The following CYP1B1 variants were observed in gnomAD, a reference collection of about 807,000 sequenced individuals.
The protein encoded by CYP1B1 is cytochrome P450 family 1 subfamily B member 1.
CYP1B1 carries 22 observed loss-of-function variants against 29.9 expected under a neutral mutation model. The ratio of observed to expected loss-of-function variants is 0.74; its 90% CI spans 0.53 to 1.05. The LOEUF (loss-of-function observed/expected upper bound fraction) is 1.05, where lower values mean the gene tolerates loss of function less well. CYP1B1 is among the 50% of genes least tolerant of loss of function. The pLI is 0.00. For missense variants in CYP1B1, 883 were observed against 746.9 expected (o/e 1.18, Z -2.12); for synonymous variants, 375 against 320.0 (o/e 1.17, Z -1.83).
In CYP1B1 at chr2:38,068,406, G is replaced by A. The variant is rs552557175; in HGVS notation, c.*2316C>T. ...TCTGATGACGACTGGGCCTACATACGTAAAAACAGATTATAGCACATCTGG... is the reference window on the plus strand; with the variant it reads ...TCTGATGACGACTGGGCCTACATACATAAAAACAGATTATAGCACATCTGG... On this transcript the variant is annotated 3_prime_UTR_variant, in exon 3 of 3. Transcript: ENST00000610745. The A allele has an allele frequency of 4.8e-5, 11 of 226,918 alleles. No individual in the cohort carries two copies. The highest frequency in any genetic ancestry group is 1.8e-4 in the South Asian group (1 of 5,454). The allele number at this position is 226,918 out of a possible 1,614,324, so 14.1% of individuals were successfully genotyped here. A position where few individuals can be genotyped will look rare whatever the true frequency, so the allele number is the denominator to read the frequency against.
At chr2:38,071,458 T>C in intron 2 of CYP1B1, 148 bp from the exon 3 acceptor site, 1 of 746,342 alleles carries the variant, frequency 1.3e-6, no homozygotes. Context: ...GGGAAAAAAA[T>C]CTAAAACAGC....
In CYP1B1 at chr2:38,074,626, G is replaced by T. The variant is rs886055998; in HGVS notation, c.763C>A (p.Arg255Ser). 2 of 1,613,474 alleles carry T rather than the reference G, an allele frequency of 1.2e-6. No individual in the cohort carries two copies. The highest frequency in any genetic ancestry group is 1.3e-5 in the African/African-American group (1 of 74,948). ...TGCTCGAATTCGCGGAAAACGGTGCGCACCGGGTTGGGGAAGTACTGCAGC... is the reference window on the plus strand; with the variant it reads ...TGCTCGAATTCGCGGAAAACGGTGCTCACCGGGTTGGGGAAGTACTGCAGC... ...PWLQYFPNPV[R>S]TVFREFEQLN... Residue 255 changes from arginine to serine, a missense_variant, in exon 2 of 3, where the codon CGC becomes AGC. By Grantham distance (110) the Arg-to-Ser change is moderately radical. Coordinates refer to ENST00000610745, the MANE Select transcript of CYP1B1 (RefSeq NM_000104.4).
chr2:38,071,013 G>A lies in CYP1B1; in HGVS notation c.1341C>T (p.Asp447=), dbSNP rs1350125970. ...GGTCCTTGTTGATGAGGCCATCCTT[G>A]TCCAAGAATCGAGCTGGATCAAAGT... The part of the protein sequence containing the change: ...PENFDPARFL[D]KDGLINKDLT... The change falls in exon 3 of 3, where the codon GAC becomes GAT. Residue 447 remains aspartate (D), a synonymous_variant. Transcript: ENST00000610745. The A allele has an allele frequency of 1.2e-6, 2 of 1,614,120 alleles. No individual in the cohort carries two copies. Among genetic ancestry groups the A allele is most frequent in the Admixed American group, 1.7e-5 (1 of 60,016 alleles).
At chr2:38,074,129 G>A (rs1224008296) in intron 2 of CYP1B1, among the ~76,000 whole-genome samples, 1 of 151,986 alleles carries the variant, frequency 6.6e-6, no homozygotes, top group African/African-American at 2.4e-5. Flanking sequence ...GACAAGATAG[G>A]AGACCGGAGG....
chr2:38,075,645 T>C, intron 1 of CYP1B1, 135 bp downstream of exon 1: 1 of 582,024 alleles, frequency 1.7e-6, no homozygotes. Context: ...TAACGGTTCC[T>C]GCAATCTGGG....
chr2:38,070,300 T>C lies in CYP1B1; in HGVS notation c.*422A>G. 3.7e-6 allele frequency: 1 copy of C among 269,498 alleles called. No individual in the cohort carries two copies. Among genetic ancestry groups the C allele is most frequent in the Non-Finnish European group, 7.2e-6 (1 of 138,936 alleles). 16.7% of individuals were successfully genotyped at this position (269,498 alleles called of 1,614,324 possible). A position where few individuals can be genotyped will look rare whatever the true frequency, so the allele number is the denominator to read the frequency against. ...TACTCTGAAACTTTGTTTAATATAC[T>C]TTTTGTCTATTTCTGCATATGGGAG... On this transcript the variant is annotated 3_prime_UTR_variant, in exon 3 of 3. Coordinates refer to ENST00000610745, the MANE Select transcript of CYP1B1 (RefSeq NM_000104.4).
At position 38,074,740 on chromosome 2, in the gene CYP1B1, C is replaced by A; in HGVS notation, c.649G>T (p.Asp217Tyr). 6.8e-6 allele frequency: 11 copies of A among 1,606,422 alleles called. No individual in the cohort carries two copies. The highest frequency in any genetic ancestry group is 9.3e-6 in the Non-Finnish European group (11 of 1,177,384). ...AVCFGCRYSH[D>Y]DPEFRELLSH... Reference sequence around the variant, plus strand: ...AGCAGCTCACGGAACTCGGGGTCGTCGTGGCTGTAGCGGCAGCCGAAACAC... The same window carrying A: ...AGCAGCTCACGGAACTCGGGGTCGTAGTGGCTGTAGCGGCAGCCGAAACAC... Residue 217 changes from aspartate (D) to tyrosine (Y), a missense_variant, in exon 2 of 3, where the codon GAC becomes TAC. Asp to Tyr is a radical substitution (Grantham distance 160). Coordinates refer to ENST00000610745, the MANE Select transcript of CYP1B1 (RefSeq NM_000104.4).
rs754302280 is a variant in CYP1B1 at position 38,074,422 on chromosome 2, T to C, written c.967A>G (p.Thr323Ala). Residue 323 changes from threonine to alanine, a missense_variant, in exon 2 of 3, where the codon ACT (threonine) becomes GCT (alanine). Transcript: ENST00000610745. Reference protein sequence around the residue: ...ARLDLENVPATITDIFGASQD... With the variant: ...ARLDLENVPAAITDIFGASQD... ...CTGGCGCCGAAGATGTCAGTGATAG[T>C]GGCCGGTACGTTCTCCAAATCCAGC... is the stretch of plus-strand genomic sequence containing the variant. The C allele has an allele frequency of 1.9e-6, 3 of 1,613,364 alleles. No homozygotes were observed. The highest frequency in any genetic ancestry group is 2.7e-5 in the African/African-American group (2 of 75,032).
At position 38,070,862 on chromosome 2, in the gene CYP1B1, T is replaced by G; in HGVS notation, c.1492A>C (p.Asn498His). 1 of 1,614,146 alleles carries G rather than the reference T, an allele frequency of 6.2e-7. No individual in the cohort carries two copies. The highest frequency in any genetic ancestry group is 2.2e-5 in the East Asian group (1 of 44,888). ...AHQCDFRANP[N>H]EPAKMNFSYG... is the part of the protein sequence containing the mutation. ...CTGAAATTCATTTTCGCAGGCTCAT[T>G]TGGGTTGGCCCTGAAATCGCACTGG... Residue 498 changes from asparagine (N) to histidine (H), a missense_variant, in exon 3 of 3, where the codon AAT becomes CAT. By Grantham distance (68) the Asn-to-His change is moderately conservative. Transcript: ENST00000610745.
In CYP1B1 at chr2:38,075,214, G is replaced by A. The variant is rs1384370014; in HGVS notation, c.175C>T (p.Leu59=). The A allele has an allele frequency of 6.3e-7, 1 of 1,582,144 alleles. No individual in the cohort carries two copies. Among genetic ancestry groups the A allele is most frequent in the East Asian group, 2.3e-5 (1 of 44,144 alleles). ...CCCACCGCCGCCGCGTTTCCGATCAGTGGCCACGCAAACGGGCCCGGGGGC... is the reference window on the plus strand; with the variant it reads ...CCCACCGCCGCCGCGTTTCCGATCAATGGCCACGCAAACGGGCCCGGGGGC... The part of the protein sequence containing the change: ...SAPPGPFAWP[L]IGNAAAVGQA... Residue 59 remains leucine (L), a synonymous_variant, in exon 2 of 3, where the codon CTG becomes TTG. Coordinates refer to ENST00000610745, the MANE Select transcript of CYP1B1 (RefSeq NM_000104.4).
chr2:38,073,008 A>G (rs947951964), intron 2 of CYP1B1, among the ~76,000 whole-genome samples: 1 of 152,242 alleles, frequency 6.6e-6, no homozygotes, highest in Admixed American at 6.5e-5. Flanking sequence ...AATGAAAAAC[A>G]AAGGCCGTTT....
At chr2:38,071,748 T>A (rs545724617) in intron 2 of CYP1B1, among the ~76,000 whole-genome samples, 1 of 152,308 alleles carries the variant, frequency 6.6e-6, no homozygotes, top group Admixed American at 6.5e-5. Flanking sequence ...AAGAAAATAT[T>A]TTCATACATC....
At chr2:38,071,334 G>A in intron 2 of CYP1B1, 24 bp from the exon 3 acceptor site, 1 of 1,606,380 alleles carries the variant, frequency 6.2e-7, no homozygotes, top group African/African-American at 1.3e-5. Context: ...AATGTGGAGA[G>A]AGAAAAGCAA....
Position 38,075,344 on chromosome 2 carries a change from C to G in CYP1B1, c.45G>C (p.Pro15=), listed in dbSNP as rs145847992. 1 of 1,613,086 alleles carries G rather than the reference C, an allele frequency of 6.2e-7. No individual in the cohort carries two copies. The highest frequency in any genetic ancestry group is 2.2e-5 in the East Asian group (1 of 44,860). ...LSPNDPWPLN[P]LSIQQTTLLL... is the part of the protein sequence containing the mutation. The stretch of plus-strand genomic sequence containing the variant: ...GGAGCGTGGTCTGCTGGATGGACAG[C>G]GGGTTTAGCGGCCAAGGGTCGTTCG... The change falls in exon 2 of 3, where the codon CCG becomes CCC. Residue 15 remains proline, a synonymous_variant. Transcript: ENST00000610745.
chr2:38,070,494 C>A lies in CYP1B1; in HGVS notation c.*228G>T. ...GTATGTATATAATAATTCATTGGGC[C>A]CTTTAAGTCTTTGACTCAAAAAAAT... is the stretch of plus-strand genomic sequence containing the variant. On this transcript the variant is annotated 3_prime_UTR_variant, in exon 3 of 3. Transcript: ENST00000610745. 1 of 559,028 alleles carries A rather than the reference C, an allele frequency of 1.8e-6. No homozygotes were observed. The allele number at this position is 559,028 out of a possible 1,614,324, so 34.6% of individuals were successfully genotyped here. A position where few individuals can be genotyped will look rare whatever the true frequency, so the allele number is the denominator to read the frequency against.
intron 1 of CYP1B1, 143 bp downstream of exon 1, chr2:38,075,637 A>T: frequency 1.7e-6 from 1 of 586,042 alleles, no homozygotes; most frequent in Non-Finnish European, 3.0e-6. Context: ...AAGGCGCGTA[A>T]CGGTTCCTGC....
rs9341261 is a variant in CYP1B1, at chr2:38,069,796, T to G, written c.*926A>C. The G allele has an allele frequency of 0.01, 2,027 of 196,660 alleles. 41 individuals are homozygous for G. Among genetic ancestry groups the G allele is most frequent in the African/African-American group, 0.044 (1,922 of 43,516 alleles). 12.2% of individuals were successfully genotyped at this position (196,660 alleles called of 1,614,324 possible). ...TTTCCTGAACAAGATAATACTAATATACTGCTTACGGACAGTTAAGTAATA... is the reference window on the plus strand; with the variant it reads ...TTTCCTGAACAAGATAATACTAATAGACTGCTTACGGACAGTTAAGTAATA... On this transcript the variant is annotated 3_prime_UTR_variant, in exon 3 of 3. Transcript: ENST00000610745.
At position 38,071,274 on chromosome 2, in the gene CYP1B1, C is replaced by G; in HGVS notation, c.1080G>C (p.Leu360Phe). Reference protein sequence around the residue: ...PDVQTRVQAELDQVVGRDRLP... With the variant: ...PDVQTRVQAEFDQVVGRDRLP... ...GACGGTCCCTCCCCACGACCTGATC[C>G]AATTCTGCCTGCACTCGAGTCTGCA... Residue 360 changes from leucine (L) to phenylalanine (F), a missense_variant, in exon 3 of 3, where the codon TTG (leucine) becomes TTC (phenylalanine). Leu to Phe is a conservative substitution (Grantham distance 22). Transcript: ENST00000610745. 1 of 1,613,032 alleles carries G rather than the reference C, an allele frequency of 6.2e-7. No individual in the cohort carries two copies. Among genetic ancestry groups the G allele is most frequent in the Non-Finnish European group, 8.5e-7 (1 of 1,180,022 alleles).
In CYP1B1 at chr2:38,071,050, G is replaced by C. The variant is rs113974874; in HGVS notation, c.1304C>G (p.Pro435Arg). The change falls in exon 3 of 3, where the codon CCT (proline) becomes CGT (arginine). Residue 435 changes from proline (P) to arginine (R), a missense_variant. Coordinates refer to ENST00000610745, the MANE Select transcript of CYP1B1 (RefSeq NM_000104.4). The part of the protein sequence containing the change: ...WSVNHDPLKW[P>R]NPENFDPARF... ...AGCTGGATCAAAGTTCTCCGGGTTA[G>C]GCCACTTCAGTGGGTCATGATTCAC... 19 of 1,613,988 alleles carry C rather than the reference G, an allele frequency of 1.2e-5. No homozygotes were observed. Among genetic ancestry groups the C allele is most frequent in the Non-Finnish European group, 1.4e-5 (17 of 1,179,868 alleles).
Sources: gnomAD v4.1 joint callset for allele counts (sites outside exome capture counted in the v4.1 genomes callset) on GRCh38, gnomAD v4.1.1 for gene constraint, MANE v1.5 for transcripts, NCBI Gene and HGNC (gene_info 2026-07-23, HGNC 2026-07-21) for gene names.